The following ZNF679 variants were observed in gnomAD, a reference collection of about 807,000 sequenced individuals.
ZNF679 encodes the protein hypothetical protein MGC42415.
A neutral mutation model predicts 13.4 loss-of-function variants in ZNF679; 10 were observed. The ratio of observed to expected loss-of-function variants is 0.75; its 90% confidence interval spans 0.46 to 1.27. The LOEUF (loss-of-function observed/expected upper bound fraction) is 1.27, where lower values mean the gene tolerates loss of function less well. Ranked by LOEUF, ZNF679 falls within the 50% of genes most tolerant of loss-of-function variation. ZNF679 has a pLI of 0.00. For missense variants in ZNF679, 525 were observed against 477.8 expected (o/e 1.10, Z -0.92); for synonymous variants, 179 against 162.5 (o/e 1.10, Z -0.77).
intron 2 of ZNF679, among the ~76,000 whole-genome samples, chr7:64,252,070 A>G (rs979287950): frequency 6.6e-6 from 1 of 152,222 alleles, no homozygotes; most frequent in African/African-American, 2.4e-5. Context: ...ACTGACCCCA[A>G]TAAGATGGTG....
intron 3 of ZNF679, 135 bp downstream of exon 3, chr7:64,260,482 G>T: frequency 2.2e-6 from 3 of 1,370,554 alleles, no homozygotes; most frequent in Non-Finnish European, 2.9e-6. Flanking sequence ...ATTCATTGGT[G>T]TAGAACAAAT....
At chr7:64,244,181 T>C (rs1048751399) in intron 1 of ZNF679, among the ~76,000 whole-genome samples, 15 of 152,046 alleles carry the variant, frequency 9.9e-5, no homozygotes, top group Non-Finnish European at 1.9e-4. Flanking sequence ...TCCCGGTAGG[T>C]GGAGGTTGCA....
chr7:64,240,878 C>T (rs555022296), intron 1 of ZNF679, among the ~76,000 whole-genome samples: 78 of 152,292 alleles, frequency 5.1e-4, no homozygotes, highest in African/African-American at 1.7e-3. Flanking sequence ...TGCACGAGAG[C>T]CCAAATCTCA....
At chr7:64,236,073 T>A (rs1230487351) in intron 1 of ZNF679, among the ~76,000 whole-genome samples, 1 of 152,012 alleles carries the variant, frequency 6.6e-6, no homozygotes, top group Non-Finnish European at 1.5e-5. Context: ...AAGACCAGCC[T>A]GACCAACATG....
At chr7:64,233,477 TGA>T (rs558510076) in intron 1 of ZNF679, among the ~76,000 whole-genome samples, 49 of 151,754 alleles carry the variant, frequency 3.2e-4, no homozygotes, top group Non-Finnish European at 5.9e-4. Flanking sequence ...GATGACAGAG[TGA>T]GACTCTGTCT....
chr7:64,255,033 C>G (rs1019622921), intron 2 of ZNF679, among the ~76,000 whole-genome samples: 3 of 150,322 alleles, frequency 2.0e-5, no homozygotes, highest in Admixed American at 1.3e-4. Context: ...AAAATTGCTT[C>G]CTAGTTAGCA....
At chr7:64,253,284 A>G (rs774222330) in intron 2 of ZNF679, among the ~76,000 whole-genome samples, 7 of 152,216 alleles carry the variant, frequency 4.6e-5, no homozygotes, top group Non-Finnish European at 1.0e-4. Context: ...AACTAAGTGA[A>G]CATCTCTGAC....
intron 1 of ZNF679, among the ~76,000 whole-genome samples, chr7:64,236,373 T>A (rs1787711651): frequency 6.6e-6 from 1 of 152,072 alleles, no homozygotes; most frequent in South Asian, 2.1e-4. Flanking sequence ...CCTGAATTCA[T>A]CGTCATTTGA....
Position 64,236,265 on chromosome 7 carries a change from A to G in ZNF679, c.-91+7613A>G, listed in dbSNP as rs1787710310. Among the ~76,000 whole-genome samples, 3 of 152,142 alleles carry G rather than the reference A, an allele frequency of 2.0e-5. No homozygotes were observed. The South Asian group carries it at 6.2e-4, about 32-fold the overall frequency. On this transcript the variant is annotated intron_variant, in intron 1 of 4. Transcript: ENST00000421025. ...GGGCAACAGGATGAGACTCTGTCAA[A>G]AAAAAGGAGTAAATTCTTTTTTTTA...
chr7:64,263,272 G>A (rs571577894), intron 4 of ZNF679, among the ~76,000 whole-genome samples: 1 of 151,992 alleles, frequency 6.6e-6, no homozygotes, highest in South Asian at 2.1e-4. Context: ...TTAATTATTT[G>A]TAGAGACTGG....
chr7:64,245,859 A>G (rs1174042016), intron 1 of ZNF679, among the ~76,000 whole-genome samples: 1 of 152,068 alleles, frequency 6.6e-6, no homozygotes, highest in Non-Finnish European at 1.5e-5. Flanking sequence ...TACAAAAATT[A>G]TCTGGGTGTG....
At chr7:64,239,400 G>A (rs748307318) in intron 1 of ZNF679, among the ~76,000 whole-genome samples, 3 of 152,112 alleles carry the variant, frequency 2.0e-5, no homozygotes, top group Non-Finnish European at 4.4e-5. Context: ...ACCTGGAGTG[G>A]GGAAATGTGG....
At chr7:64,258,826 A>G (rs1788038641) in intron 2 of ZNF679, among the ~76,000 whole-genome samples, 1 of 150,152 alleles carries the variant, frequency 6.7e-6, no homozygotes, top group Non-Finnish European at 1.5e-5. Flanking sequence ...ATTTTTTGCT[A>G]TTTTTATGAT....
intron 4 of ZNF679, among the ~76,000 whole-genome samples, chr7:64,264,190 C>A (rs1788113445): frequency 6.6e-6 from 1 of 151,444 alleles, no homozygotes; most frequent in Non-Finnish European, 1.5e-5. Flanking sequence ...AAGATTTTTT[C>A]TTTGTGCTAC....
intron 2 of ZNF679, among the ~76,000 whole-genome samples, chr7:64,257,624 A>G (rs1788020349): frequency 1.3e-5 from 2 of 152,214 alleles, no homozygotes; most frequent in Admixed American, 6.5e-5. Flanking sequence ...TAAACATTTT[A>G]TTAGTACATG....
chr7:64,244,646 G>A (rs991295873), intron 1 of ZNF679, among the ~76,000 whole-genome samples: 3 of 152,212 alleles, frequency 2.0e-5, no homozygotes, highest in African/African-American at 7.2e-5. Flanking sequence ...GGTTCATGGA[G>A]GGAAAGCGAA....
intron 4 of ZNF679, 96 bp from the exon 5 acceptor site, chr7:64,265,800 G>A: frequency 7.2e-7 from 1 of 1,390,958 alleles, no homozygotes; most frequent in South Asian, 1.5e-5. Context: ...ATGCCATTTT[G>A]CTAAAGTACC....
At chr7:64,255,682 C>T (rs1787996528) in intron 2 of ZNF679, among the ~76,000 whole-genome samples, 1 of 151,756 alleles carries the variant, frequency 6.6e-6, no homozygotes, top group Non-Finnish European at 1.5e-5. Context: ...GATCTCGGCT[C>T]ACTGCAACCT....
intron 1 of ZNF679, among the ~76,000 whole-genome samples, chr7:64,234,719 G>A (rs992014198): frequency 2.6e-5 from 4 of 152,170 alleles, no homozygotes; most frequent in African/African-American, 9.7e-5. Flanking sequence ...TAGCAAATGG[G>A]TGTGTTCTAA....
Sources: allele counts gnomAD v4.1 joint callset (sites outside exome capture counted in the v4.1 genomes callset), GRCh38; gene constraint gnomAD v4.1.1; transcripts MANE v1.5; gene names NCBI Gene and HGNC (gene_info 2026-07-23, HGNC 2026-07-21).